The following IPCEF1 variants were observed in gnomAD, a reference collection of about 807,000 sequenced individuals.
IPCEF1 encodes the protein interaction protein for cytohesin exchange factors 1, also known as interactor protein for cytohesin exchange factors 1.
IPCEF1 carries 31 observed loss-of-function variants against 50.9 expected under a neutral mutation model. That is an observed-to-expected ratio of 0.61 (90% CI 0.46 to 0.82). IPCEF1 has a LOEUF of 0.82. IPCEF1 is among the 40% of genes least tolerant of loss of function. IPCEF1 has a pLI of 0.00. For missense variants in IPCEF1, 458 were observed against 514.0 expected (o/e 0.89, Z 1.05); for synonymous variants, 181 against 192.0 (o/e 0.94, Z 0.47).
intron 1 of IPCEF1, among the ~76,000 whole-genome samples, chr6:154,325,862 C>CCTTG (rs1783505740): frequency 6.6e-6 from 1 of 152,098 alleles, no homozygotes; most frequent in African/African-American, 2.4e-5. Context: ...TTTGAACAGG[C>CCTTG]CTTGACAAGT....
intron 2 of IPCEF1, among the ~76,000 whole-genome samples, chr6:154,287,035 A>G (rs1782377964): frequency 6.6e-6 from 1 of 152,188 alleles, no homozygotes; most frequent in African/African-American, 2.4e-5. Flanking sequence ...TGTATAACAG[A>G]TTGCTCGAGC....
intron 3 of IPCEF1, among the ~76,000 whole-genome samples, chr6:154,262,285 G>A (rs1280959272): frequency 6.6e-6 from 1 of 152,232 alleles, no homozygotes; most frequent in African/African-American, 2.4e-5. Flanking sequence ...ACAAGACCAA[G>A]GGAAACAGGT....
chr6:154,271,865 T>G (rs1781909971), intron 2 of IPCEF1, among the ~76,000 whole-genome samples: 1 of 152,212 alleles, frequency 6.6e-6, no homozygotes. Context: ...TGTGCACCTG[T>G]AGCCCCAGCT....
At chr6:154,337,893 T>C (rs903295707) in intron 1 of IPCEF1, among the ~76,000 whole-genome samples, 5 of 152,150 alleles carry the variant, frequency 3.3e-5, no homozygotes, top group Non-Finnish European at 7.4e-5. Context: ...GGGCACTTGT[T>C]TAAAGTCACT....
At chr6:154,294,471 T>C (rs1328762843) in intron 1 of IPCEF1, among the ~76,000 whole-genome samples, 1 of 152,122 alleles carries the variant, frequency 6.6e-6, no homozygotes, top group African/African-American at 2.4e-5. Flanking sequence ...GGCTGGAGGA[T>C]TGTTTGACCC....
chr6:154,285,390 A>G (rs1782334872), intron 2 of IPCEF1, among the ~76,000 whole-genome samples: 1 of 152,346 alleles, frequency 6.6e-6, no homozygotes, highest in Non-Finnish European at 1.5e-5. Flanking sequence ...TGTGGAAATA[A>G]TCTCAAAAGA....
chr6:154,244,619 A>T (rs986907513), intron 5 of IPCEF1, among the ~76,000 whole-genome samples: 1 of 152,188 alleles, frequency 6.6e-6, no homozygotes, highest in Admixed American at 6.5e-5. Flanking sequence ...TCCTTGTGGA[A>T]GCATGAAGTT....
intron 5 of IPCEF1, among the ~76,000 whole-genome samples, chr6:154,239,093 A>G (rs1489387042): frequency 6.6e-6 from 1 of 152,116 alleles, no homozygotes; most frequent in East Asian, 1.9e-4. Flanking sequence ...GCAATGCCCA[A>G]GCATATCACT....
intron 1 of IPCEF1, among the ~76,000 whole-genome samples, chr6:154,297,054 C>T (rs1465153726): frequency 9.2e-5 from 14 of 151,724 alleles, no homozygotes; most frequent in Admixed American, 9.2e-4. Context: ...TTTTCTCTCT[C>T]TCTCTTTTTT....
intron 2 of IPCEF1, among the ~76,000 whole-genome samples, chr6:154,275,705 C>G (rs1782037657): frequency 6.6e-6 from 1 of 152,084 alleles, no homozygotes; most frequent in Non-Finnish European, 1.5e-5. Flanking sequence ...CATTCAGTGC[C>G]CTTTACACCA....
chr6:154,275,729 T>G lies in IPCEF1; in HGVS notation c.-17-9765A>C, dbSNP rs887033014. ...CCCTTTACACCAAAGTGAGCAGCTATACCCCATACAGCAGAGGACTCTGCA... is the reference window on the plus strand; with the variant it reads ...CCCTTTACACCAAAGTGAGCAGCTAGACCCCATACAGCAGAGGACTCTGCA... On this transcript the variant is annotated intron_variant, in intron 2 of 11. Coordinates refer to ENST00000367220, the MANE Select transcript of IPCEF1 (RefSeq NM_001130700.2). Among the ~76,000 whole-genome samples, 5 of 152,014 alleles carry G rather than the reference T, an allele frequency of 3.3e-5. No homozygotes were observed. The South Asian group carries it at 1.0e-3, about 32-fold the overall frequency.
chr6:154,292,448 A>G (rs1225453892), intron 1 of IPCEF1, among the ~76,000 whole-genome samples: 4 of 152,242 alleles, frequency 2.6e-5, no homozygotes, highest in Non-Finnish European at 5.9e-5. Context: ...CTACAATCGC[A>G]TGAGGTAGGT....
chr6:154,185,315 C>T (rs1313799295), intron 10 of IPCEF1, among the ~76,000 whole-genome samples: 2 of 152,190 alleles, frequency 1.3e-5, no homozygotes, highest in East Asian at 3.8e-4. Context: ...TGCCAAGGCA[C>T]ACTTCATTCC....
chr6:154,290,203 C>A (rs1782478340), intron 1 of IPCEF1, among the ~76,000 whole-genome samples: 1 of 152,130 alleles, frequency 6.6e-6, no homozygotes, highest in Admixed American at 6.5e-5. Context: ...CATATGACCT[C>A]CCTCTGGGAA....
At chr6:154,185,407 A>G (rs1801250314) in intron 10 of IPCEF1, among the ~76,000 whole-genome samples, 1 of 152,200 alleles carries the variant, frequency 6.6e-6, no homozygotes, top group African/African-American at 2.4e-5. Flanking sequence ...TAATGGCAAA[A>G]AGTTAGAGTT....
At chr6:154,199,353 C>T (rs62434774) in intron 10 of IPCEF1, among the ~76,000 whole-genome samples, 1 of 152,236 alleles carries the variant, frequency 6.6e-6, no homozygotes, top group Admixed American at 6.5e-5. Flanking sequence ...GGCTCCAGCG[C>T]ATGGGACATG....
chr6:154,193,917 T>C (rs1172157157), intron 10 of IPCEF1, among the ~76,000 whole-genome samples: 2 of 152,134 alleles, frequency 1.3e-5, no homozygotes, highest in African/African-American at 4.8e-5. Context: ...ACAATTCTAG[T>C]AGCATAGTAT....
intron 3 of IPCEF1, among the ~76,000 whole-genome samples, chr6:154,257,125 T>C (rs1286191538): frequency 6.6e-6 from 1 of 152,226 alleles, no homozygotes; most frequent in Non-Finnish European, 1.5e-5. Flanking sequence ...ACTGATCCAG[T>C]TGGTGACTAA....
intron 2 of IPCEF1, among the ~76,000 whole-genome samples, chr6:154,272,831 A>C (rs73569076): frequency 0.03 from 4,504 of 152,298 alleles, 206 homozygotes; most frequent in African/African-American, 0.1. Context: ...ATCCCCAACA[A>C]ACACACTATT....
Sources: allele counts gnomAD v4.1 joint callset (sites outside exome capture counted in the v4.1 genomes callset), GRCh38; gene constraint gnomAD v4.1.1; transcripts MANE v1.5; gene names NCBI Gene and HGNC (gene_info 2026-07-23, HGNC 2026-07-21).